LSP1: variants seen among roughly 807,000 people sequenced by gnomAD.
The protein encoded by LSP1 is lymphocyte-specific protein 1.
A neutral mutation model predicts 49.3 loss-of-function variants in LSP1; 32 were observed. The observed-to-expected ratio is 0.65, with a 90% CI of 0.49 to 0.87. The LOEUF is 0.87. Among genes scored for constraint, LSP1 ranks in the 40% least tolerant of loss-of-function variants. The pLI is 0.00. For missense variants in LSP1, 428 were observed against 442.6 expected (o/e 0.97, Z 0.30); for synonymous variants, 179 against 178.8 (o/e 1.00, Z -0.01).
At chr11:1,868,237 G>C (rs1309815836) in intron 1 of LSP1, among the ~76,000 whole-genome samples, 1 of 152,256 alleles carries the variant, frequency 6.6e-6, no homozygotes, top group Non-Finnish European at 1.5e-5. Context: ...CCGGCTGAGA[G>C]TGCCTTGTAG....
chr11:1,862,976 T>C (rs1176994502), intron 1 of LSP1, among the ~76,000 whole-genome samples: 1 of 152,094 alleles, frequency 6.6e-6, no homozygotes, highest in Non-Finnish European at 1.5e-5. Flanking sequence ...AACACCATGG[T>C]CTCTAGTGGA....
Position 1,890,117 on chromosome 11 carries a change from C to G in LSP1, c.*14-1656C>G, listed in dbSNP as rs760868187. 86 of 716,994 alleles carry G rather than the reference C, an allele frequency of 1.2e-4. No individual in the cohort carries two copies. The South Asian group carries it at 1.2e-3, about 10-fold the overall frequency. 44.4% of individuals were successfully genotyped at this position (716,994 alleles called of 1,614,324 possible). A position where few individuals can be genotyped will look rare whatever the true frequency, so the allele number is the denominator to read the frequency against. On this transcript the variant is annotated intron_variant, in intron 10 of 10. Coordinates refer to ENST00000311604, the MANE Select transcript of LSP1 (RefSeq NM_002339.3). Reference sequence around the variant, plus strand: ...TGGGGGGCCGGGTAGGTTCTGGGGCCGAGGCTACAACCTGGGGCCCCATGG... The same window carrying G: ...TGGGGGGCCGGGTAGGTTCTGGGGCGGAGGCTACAACCTGGGGCCCCATGG...
At chr11:1,873,467 A>G (rs986888005) in intron 1 of LSP1, among the ~76,000 whole-genome samples, 1 of 139,182 alleles carries the variant, frequency 7.2e-6, no homozygotes, top group Non-Finnish European at 1.5e-5. Context: ...GGTCCCTAGC[A>G]CCTGACAAAA....
intron 10 of LSP1, chr11:1,890,612 T>C (rs1192929765): frequency 4.3e-6 from 3 of 694,950 alleles, no homozygotes; most frequent in Non-Finnish European, 7.9e-6. Flanking sequence ...GGAGGGACAG[T>C]GGTCAGGCCA....
intron 1 of LSP1, among the ~76,000 whole-genome samples, chr11:1,860,591 C>T (rs1474501962): frequency 1.3e-5 from 2 of 152,070 alleles, no homozygotes; most frequent in African/African-American, 2.4e-5. Context: ...TAGATAAATG[C>T]AGATGTGATA....
At chr11:1,872,586 T>G (rs866806239) in intron 1 of LSP1, among the ~76,000 whole-genome samples, 5 of 127,306 alleles carry the variant, frequency 3.9e-5, no homozygotes, top group Admixed American at 7.6e-5. Context: ...TGGGAGGGGG[T>G]GTGTGTGGCA....
chr11:1,872,376 G>C (rs1204225937), intron 1 of LSP1, among the ~76,000 whole-genome samples: 1 of 144,698 alleles, frequency 6.9e-6, no homozygotes, highest in African/African-American at 2.6e-5. Flanking sequence ...TGTCTGGCTG[G>C]CGTGGGCACC....
chr11:1,855,146 C>T (rs1847456554), intron 1 of LSP1, among the ~76,000 whole-genome samples: 1 of 152,220 alleles, frequency 6.6e-6, no homozygotes, highest in South Asian at 2.1e-4. Context: ...GCAGCCAAGC[C>T]TGACCTTTCA....
intron 1 of LSP1, among the ~76,000 whole-genome samples, chr11:1,853,920 T>C (rs1019298051): frequency 6.6e-6 from 1 of 152,096 alleles, no homozygotes; most frequent in African/African-American, 2.4e-5. Context: ...CCAATGGGCA[T>C]CCAGCCCTGT....
chr11:1,880,644 A>C, intron 2 of LSP1: 2 of 168,332 alleles, frequency 1.2e-5, no homozygotes, highest in African/African-American at 2.4e-5. Flanking sequence ...TTTTCCAATA[A>C]TGCTTCCCTT....
At chr11:1,874,792 C>A (rs1482548101) in intron 1 of LSP1, among the ~76,000 whole-genome samples, 1 of 152,054 alleles carries the variant, frequency 6.6e-6, no homozygotes, top group African/African-American at 2.4e-5. Context: ...AGTAGAAGCA[C>A]CTAGGGGGTC....
intron 10 of LSP1, chr11:1,890,267 G>T (rs1366912721): frequency 1.4e-6 from 1 of 714,184 alleles, no homozygotes; most frequent in East Asian, 2.7e-5. Context: ...CAGCCACCAT[G>T]CGGGGAGCCT....
intron 1 of LSP1, among the ~76,000 whole-genome samples, chr11:1,877,335 C>T (rs1167271194): frequency 3.3e-5 from 5 of 152,176 alleles, no homozygotes; most frequent in African/African-American, 7.2e-5. Context: ...GAGGCCTCCA[C>T]GTCCTCAGGC....
chr11:1,866,625 C>A (rs1847799552), intron 1 of LSP1: 3 of 1,550,432 alleles, frequency 1.9e-6, no homozygotes, highest in African/African-American at 1.4e-5. Context: ...TCCTCCTGGG[C>A]TTCCAGGCTC....
intron 2 of LSP1, among the ~76,000 whole-genome samples, chr11:1,880,523 C>T (rs868563728): frequency 5.9e-5 from 9 of 152,298 alleles, no homozygotes; most frequent in Non-Finnish European, 1.0e-4. Flanking sequence ...CTGGCCGAGC[C>T]CCCCACCAGA....
chr11:1,890,737 G>A, intron 10 of LSP1: 4 of 603,430 alleles, frequency 6.6e-6, no homozygotes, highest in South Asian at 2.0e-5. Context: ...AACCTGCCAG[G>A]GACATGCTGA....
At chr11:1,860,507 AATAG>A (rs754574841) in intron 1 of LSP1, among the ~76,000 whole-genome samples, 9 of 152,208 alleles carry the variant, frequency 5.9e-5, no homozygotes, top group Non-Finnish European at 1.2e-4. Context: ...ATGAACAAAA[AATAG>A]ATGGATGGAC....
At chr11:1,868,314 C>T (rs958293899) in intron 1 of LSP1, among the ~76,000 whole-genome samples, 7 of 152,322 alleles carry the variant, frequency 4.6e-5, no homozygotes, top group Middle Eastern at 3.4e-3. Flanking sequence ...GCATTGAGGT[C>T]CCCGGAGCCC....
intron 10 of LSP1, chr11:1,889,886 G>A (rs1021099584): frequency 8.0e-6 from 5 of 627,616 alleles, no homozygotes; most frequent in Middle Eastern, 2.5e-4. Flanking sequence ...CCTGGACTGT[G>A]GTGGGCAGTG....
Sources: gnomAD v4.1 joint callset for allele counts (sites outside exome capture counted in the v4.1 genomes callset) on GRCh38, gnomAD v4.1.1 for gene constraint, MANE v1.5 for transcripts, NCBI Gene and HGNC (gene_info 2026-07-23, HGNC 2026-07-21) for gene names.